TYW1B: variants seen among roughly 807,000 people sequenced by gnomAD.
TYW1B encodes S-adenosyl-L-methionine-dependent tRNA 4-demethylwyosine synthase TYW1B.
TYW1B carries 73 observed loss-of-function variants against 86.9 expected under a neutral mutation model. The ratio of observed to expected loss-of-function variants is 0.84; its 90% CI spans 0.70 to 1.02. The LOEUF (loss-of-function observed/expected upper bound fraction) is 1.02. TYW1B is among the 50% of genes least tolerant of loss of function. The pLI is 0.00. For synonymous variants in TYW1B, 248 were observed against 292.8 expected, an observed-to-expected ratio of 0.85 and a Z score of 1.56; for missense variants, 637 against 827.4, an observed-to-expected ratio of 0.77 and a Z score of 2.82.
chr7:72,745,199 T>C (rs1206882451), intron 7 of TYW1B, among the ~76,000 whole-genome samples: 1 of 152,090 alleles, frequency 6.6e-6, no homozygotes, highest in Admixed American at 6.6e-5. Context: ...TATTTTTTAA[T>C]TTTTTGTAGA....
At chr7:72,616,570 C>T (rs1812076747) in intron 13 of TYW1B, 102 bp downstream of exon 13, 1 of 1,565,516 alleles carries the variant, frequency 6.4e-7, no homozygotes, top group Non-Finnish European at 8.7e-7. Flanking sequence ...AGCAAGCACG[C>T]AGATCATCCC....
intron 10 of TYW1B, among the ~76,000 whole-genome samples, chr7:72,709,109 G>A (rs1814681906): frequency 6.6e-6 from 1 of 152,172 alleles, no homozygotes; most frequent in Non-Finnish European, 1.5e-5. Context: ...ATGTCTACCA[G>A]ACTTCCATTA....
chr7:72,711,649 TTATTTG>T (rs767025697), intron 10 of TYW1B, among the ~76,000 whole-genome samples: 27 of 151,058 alleles, frequency 1.8e-4, no homozygotes, highest in Non-Finnish European at 3.4e-4. Flanking sequence ...ATTATTATTA[TTATTTG>T]TATTTGTATT....
At chr7:72,760,573 CA>C (rs1787670289) in intron 7 of TYW1B, among the ~76,000 whole-genome samples, 1 of 152,102 alleles carries the variant, frequency 6.6e-6, no homozygotes, top group African/African-American at 2.4e-5. Flanking sequence ...TATAACTTGG[CA>C]TAGTTAGTTG....
At chr7:72,806,349 C>T (rs1449268798) in intron 5 of TYW1B, among the ~76,000 whole-genome samples, 5 of 151,220 alleles carry the variant, frequency 3.3e-5, no homozygotes, top group African/African-American at 1.2e-4. Flanking sequence ...GATTCTCATG[C>T]CTCAGCCTCC....
intron 7 of TYW1B, among the ~76,000 whole-genome samples, chr7:72,776,975 TCTA>T (rs1787966779): frequency 6.6e-6 from 1 of 152,054 alleles, no homozygotes; most frequent in Non-Finnish European, 1.5e-5. Context: ...AGGAGGTCGG[TCTA>T]CTGATTCCCA....
intron 3 of TYW1B, among the ~76,000 whole-genome samples, chr7:72,814,640 A>G (rs1554479035): frequency 1.3e-5 from 2 of 152,056 alleles, no homozygotes; most frequent in African/African-American, 4.8e-5. Flanking sequence ...ACATGCCTAT[A>G]GTCTCAGCTA....
At position 72,807,182 on chromosome 7, in the gene TYW1B, TTC is replaced by T; in HGVS notation, c.605_606del (p.Arg202LysfsTer14). The T allele has an allele frequency of 1.2e-6, 2 of 1,613,984 alleles. No individual in the cohort carries two copies. The highest frequency in any genetic ancestry group is 2.2e-5 in the South Asian group (2 of 91,052). ...SQLQALQKGE[R>X]KKSCGGHCKK... ...TTGCAGTGGCCGCCACAGGACTTCT[TTC>T]TCTCCCCTTTCTGAAGTGCCTGCAG... On this transcript the variant is annotated frameshift_variant, in exon 5 of 14. Coordinates refer to ENST00000620995, the MANE Select transcript of TYW1B (RefSeq NM_001145440.3). LOFTEE classifies it high-confidence loss of function.
chr7:72,738,033 C>A lies in TYW1B; in HGVS notation c.1082+6451G>T, dbSNP rs1363652525. On this transcript the variant is annotated intron_variant, in intron 8 of 13. Transcript: ENST00000620995. ...TTGTGATCTGCCCGCCTCAGCCTCC[C>A]AAAGTGCTGGGATTACAGGCGTGAG... Among the ~76,000 whole-genome samples the A allele has an allele frequency of 6.6e-5, 10 of 151,426 alleles. 1 individual carries two copies. Among genetic ancestry groups the A allele is most frequent in the Non-Finnish European group, 1.3e-4 (9 of 67,970 alleles).
In TYW1B at chr7:72,810,623, T is replaced by C. The variant is rs1554477950; in HGVS notation, c.280A>G (p.Thr94Ala). Reference sequence around the variant, plus strand: ...GCACTTTCGGTTGGTAGGCCGTCAGTGTATGTCGCAACCAGGAAGACACAG... The same window carrying C: ...GCACTTTCGGTTGGTAGGCCGTCAGCGTATGTCGCAACCAGGAAGACACAG... The part of the protein sequence containing the change: ...NVCVFLVATY[T>A]DGLPTESAEW... The change falls in exon 4 of 14, where the codon ACT becomes GCT. Residue 94 changes from threonine (T) to alanine (A), a missense_variant. Coordinates refer to ENST00000620995, the MANE Select transcript of TYW1B (RefSeq NM_001145440.3). 2.5e-6 allele frequency: 4 copies of C among 1,613,526 alleles called. No individual in the cohort carries two copies. Among genetic ancestry groups the C allele is most frequent in the Admixed American group, 3.3e-5 (2 of 59,892 alleles).
rs557834369 is a variant in TYW1B, at chr7:72,828,108, G to C, written c.-33C>G. ...AGAGCCGACAGGAGACTAGGATCTCGGACCTGGAGAGCCCAAAGGTTCGCA... is the reference window on the plus strand; with the variant it reads ...AGAGCCGACAGGAGACTAGGATCTCCGACCTGGAGAGCCCAAAGGTTCGCA... On this transcript the variant is annotated 5_prime_UTR_variant, in exon 1 of 14. Transcript: ENST00000620995. 778 of 1,613,504 alleles carry C rather than the reference G, an allele frequency of 4.8e-4. 14 individuals carry two copies. The South Asian group carries it at 8.2e-3, about 17-fold the overall frequency.
intron 11 of TYW1B, among the ~76,000 whole-genome samples, chr7:72,670,362 T>A (rs147528210): frequency 2.1e-3 from 325 of 152,282 alleles, no homozygotes; most frequent in African/African-American, 7.2e-3. Context: ...CAACTAATTC[T>A]GTATTTTTAG....
In TYW1B at chr7:72,635,010, G is replaced by A. The variant is rs142522599; in HGVS notation, c.1507-6013C>T. ...ATTTCCACTTTCTTTCCTTATTAGC[G>A]TTTCTTTCATATTAGTGTTTCTTAT... On this transcript the variant is annotated intron_variant, in intron 11 of 13. Coordinates refer to ENST00000620995, the MANE Select transcript of TYW1B (RefSeq NM_001145440.3). Among the ~76,000 whole-genome samples, 742 of 151,770 alleles carry A rather than the reference G, an allele frequency of 4.9e-3. 6 individuals are homozygous for A. Among genetic ancestry groups the A allele is most frequent in the African/African-American group, 0.016 (649 of 41,368 alleles).
chr7:72,750,495 T>C (rs1787480999), intron 7 of TYW1B, among the ~76,000 whole-genome samples: 1 of 152,224 alleles, frequency 6.6e-6, no homozygotes, highest in South Asian at 2.1e-4. Flanking sequence ...ACATATTTTT[T>C]CCTTTTTCAG....
At chr7:72,703,095 G>A (rs1428511270) in intron 10 of TYW1B, among the ~76,000 whole-genome samples, 28 of 144,684 alleles carry the variant, frequency 1.9e-4, no homozygotes, top group Non-Finnish European at 2.8e-4. Context: ...CACTATCTCG[G>A]CTCACTGCAA....
At chr7:72,744,019 A>AACATTC (rs11277988) in intron 8 of TYW1B, among the ~76,000 whole-genome samples, 103,886 of 150,858 alleles carry the variant, frequency 0.69, 36,729 homozygotes, top group Non-Finnish European at 0.77. Context: ...GCTGAAACAC[A>AACATTC]ACATTCACTG....
chr7:72,626,973 C>T (rs1222296500), intron 12 of TYW1B, among the ~76,000 whole-genome samples: 2 of 151,900 alleles, frequency 1.3e-5, no homozygotes, highest in Non-Finnish European at 1.5e-5. Flanking sequence ...ATCCAATCCC[C>T]TTATCTTTGC....
chr7:72,605,394 C>T (rs2129568146), intron 13 of TYW1B, among the ~76,000 whole-genome samples: 1 of 150,124 alleles, frequency 6.7e-6, no homozygotes, highest in East Asian at 2.0e-4. Flanking sequence ...CACTCTGTTG[C>T]CCCGGCTAGA....
chr7:72,577,548 G>A (rs1156430343), intron 13 of TYW1B, among the ~76,000 whole-genome samples: 1 of 152,168 alleles, frequency 6.6e-6, no homozygotes, highest in Admixed American at 6.6e-5. Flanking sequence ...AGAGTCAAAG[G>A]TGACCTCCTT....
Sources: allele counts gnomAD v4.1 joint callset (sites outside exome capture counted in the v4.1 genomes callset), GRCh38; gene constraint gnomAD v4.1.1; transcripts MANE v1.5; gene names NCBI Gene and HGNC (gene_info 2026-07-23, HGNC 2026-07-21).